The following SEMA3A variants were observed in gnomAD, a reference collection of about 807,000 sequenced individuals.
SEMA3A encodes the protein semaphorin 3A, also known as semaphorin-3A.
A neutral mutation model predicts 97.9 loss-of-function variants in SEMA3A; 29 were observed. The observed-to-expected ratio is 0.30, with a 90% CI of 0.22 to 0.40. SEMA3A has a LOEUF of 0.40. SEMA3A is among the 10% of genes least tolerant of loss of function. The pLI is 1.00. For synonymous variants in SEMA3A, 321 were observed against 323.7 expected (o/e 0.99, Z 0.09); for missense variants, 763 against 951.3 (o/e 0.80, Z 2.60).
At chr7:84,266,329 A>G (rs1020150299) in intron 3 of SEMA3A, among the ~76,000 whole-genome samples, 1 of 151,480 alleles carries the variant, frequency 6.6e-6, no homozygotes, top group Middle Eastern at 3.4e-3. Context: ...AAAAAAAAAA[A>G]AAAAAAAAGA....
chr7:84,417,914 A>G (rs2116270070), intron 1 of SEMA3A, among the ~76,000 whole-genome samples: 1 of 152,274 alleles, frequency 6.6e-6, no homozygotes, highest in Admixed American at 6.6e-5. Context: ...ACCAAACGCT[A>G]GTCTAATTAT....
intron 6 of SEMA3A, among the ~76,000 whole-genome samples, chr7:84,017,525 C>T (rs1041833041): frequency 2.6e-5 from 4 of 152,114 alleles, no homozygotes; most frequent in Admixed American, 2.6e-4. Context: ...AACTTGTGTT[C>T]AAGAAATTTA....
chr7:83,985,445 G>A lies in SEMA3A; in HGVS notation c.1485C>T (p.Ser495=), dbSNP rs1789588025. The A allele has an allele frequency of 2.5e-6, 4 of 1,610,064 alleles. No individual in the cohort carries two copies. Among genetic ancestry groups the A allele is most frequent in the East Asian group, 2.2e-5 (1 of 44,750 alleles). ...EPTAISAMEL[S]TKQQQLYIGS... is the part of the protein sequence containing the mutation. ...TACATAATGATAGTACCTGCTTAGT[G>A]GAAAGCTCCATTGCTGAAATAGCAG... is the stretch of plus-strand genomic sequence containing the variant. Residue 495 remains serine (S), a synonymous_variant, in exon 13 of 17, where the codon TCC becomes TCT. Transcript: ENST00000265362.
Position 83,959,754 on chromosome 7 carries a change from G to A in SEMA3A, c.*1617C>T, listed in dbSNP as rs531434669. On this transcript the variant is annotated 3_prime_UTR_variant, in exon 17 of 17. Coordinates refer to ENST00000265362, the MANE Select transcript of SEMA3A (RefSeq NM_006080.3). ...TAAGATGTTTTCTTTGCATTTTTGTGCATGATGAGGAACCTGGGGGAGGAG... is the reference window on the plus strand; with the variant it reads ...TAAGATGTTTTCTTTGCATTTTTGTACATGATGAGGAACCTGGGGGAGGAG... The A allele has an allele frequency of 2.0e-5, 3 of 152,160 alleles. No homozygotes were observed. Among genetic ancestry groups the A allele is most frequent in the African/African-American group, 7.2e-5 (3 of 41,568 alleles). 9.4% of individuals were successfully genotyped at this position (152,160 alleles called of 1,614,324 possible).
intron 3 of SEMA3A, among the ~76,000 whole-genome samples, chr7:84,119,651 A>G (rs1037165073): frequency 1.3e-5 from 2 of 152,174 alleles, no homozygotes; most frequent in Non-Finnish European, 2.9e-5. Context: ...GTCCATGTTA[A>G]ATACAAAATA....
chr7:84,203,500 G>GTATATATATATATATATATATA (rs1554345503), intron 3 of SEMA3A, among the ~76,000 whole-genome samples: 9 of 74,642 alleles, frequency 1.2e-4, no homozygotes, highest in African/African-American at 2.2e-4. Flanking sequence ...CTTTGTGTGT[G>GTATATATATATATATATATATA]TGTATATATA....
At chr7:84,407,696 A>G (rs545986552) in intron 1 of SEMA3A, among the ~76,000 whole-genome samples, 2 of 152,206 alleles carry the variant, frequency 1.3e-5, no homozygotes, top group East Asian at 1.9e-4. Flanking sequence ...CAAAACAGAG[A>G]TGTAGACCAA....
chr7:84,314,118 A>C (rs567050031), intron 2 of SEMA3A, among the ~76,000 whole-genome samples: 1 of 152,130 alleles, frequency 6.6e-6, no homozygotes, highest in African/African-American at 2.4e-5. Flanking sequence ...TACCCTTTCT[A>C]TGTGTGTATG....
chr7:84,027,025 A>C (rs1052944221), intron 6 of SEMA3A, among the ~76,000 whole-genome samples: 1 of 152,178 alleles, frequency 6.6e-6, no homozygotes, highest in Non-Finnish European at 1.5e-5. Context: ...ACTGCAAGCA[A>C]AATTATGTGT....
chr7:84,437,816 A>C (rs985469880), intron 1 of SEMA3A, among the ~76,000 whole-genome samples: 1 of 152,064 alleles, frequency 6.6e-6, no homozygotes, highest in Non-Finnish European at 1.5e-5. Flanking sequence ...TGCCATAATC[A>C]GTAGTATATA....
chr7:83,979,890 A>G (rs576589393), intron 14 of SEMA3A, among the ~76,000 whole-genome samples: 1 of 152,308 alleles, frequency 6.6e-6, no homozygotes, highest in African/African-American at 2.4e-5. Context: ...TATTTTACCA[A>G]ATATTCAAAC....
chr7:83,979,236 C>T (rs1427544376), intron 14 of SEMA3A, among the ~76,000 whole-genome samples: 2 of 151,390 alleles, frequency 1.3e-5, no homozygotes, highest in African/African-American at 2.4e-5. Context: ...TGGGTTCAAG[C>T]AATTCTTCTG....
At chr7:84,413,527 C>T (rs1028632673) in intron 1 of SEMA3A, among the ~76,000 whole-genome samples, 2 of 152,048 alleles carry the variant, frequency 1.3e-5, no homozygotes, top group Admixed American at 6.6e-5. Context: ...ACTCAGGGGG[C>T]TGAAGTGGGA....
intron 2 of SEMA3A, among the ~76,000 whole-genome samples, chr7:84,361,675 C>A (rs1482942335): frequency 6.6e-6 from 1 of 151,884 alleles, no homozygotes; most frequent in African/African-American, 2.4e-5. Context: ...ATGACATAGA[C>A]AAGGAACTTA....
intron 3 of SEMA3A, among the ~76,000 whole-genome samples, chr7:84,217,236 A>C (rs1284097226): frequency 6.6e-6 from 1 of 152,168 alleles, no homozygotes; most frequent in Non-Finnish European, 1.5e-5. Flanking sequence ...TTCAAGCAAA[A>C]ATTAATTAAT....
At chr7:84,050,078 TG>T (rs1792547750) in intron 5 of SEMA3A, among the ~76,000 whole-genome samples, 1 of 151,478 alleles carries the variant, frequency 6.6e-6, no homozygotes, top group Non-Finnish European at 1.5e-5. Context: ...TATTCCATGG[TG>T]TATATGTGCC....
intron 4 of SEMA3A, among the ~76,000 whole-genome samples, chr7:84,064,566 T>G (rs1793398670): frequency 6.6e-6 from 1 of 151,474 alleles, no homozygotes; most frequent in Admixed American, 6.6e-5. Context: ...AATAAAAGGA[T>G]GGAGGAAGAT....
chr7:84,138,166 C>G (rs575399683), intron 1 of SEMA3A, among the ~76,000 whole-genome samples: 1 of 152,044 alleles, frequency 6.6e-6, no homozygotes, highest in South Asian at 2.1e-4. Flanking sequence ...ATCTTCTTGA[C>G]CAGATGTAGC....
chr7:84,463,450 G>T (rs190052327), intron 1 of SEMA3A, among the ~76,000 whole-genome samples: 1 of 151,534 alleles, frequency 6.6e-6, no homozygotes, highest in Non-Finnish European at 1.5e-5. Context: ...GGGTTTCACC[G>T]TGTTAGCCAG....
Sources: allele counts gnomAD v4.1 joint callset (sites outside exome capture counted in the v4.1 genomes callset), GRCh38; gene constraint gnomAD v4.1.1; transcripts MANE v1.5; gene names NCBI Gene and HGNC (gene_info 2026-07-23, HGNC 2026-07-21).